ITFG2: variants seen among roughly 807,000 people sequenced by gnomAD.
The protein encoded by ITFG2 is integrin alpha FG-GAP repeat containing 2, also known as KICSTOR complex protein ITFG2.
Under a neutral mutation model 54.4 loss-of-function variants are expected in ITFG2, and 36 were observed. That is an observed-to-expected ratio of 0.66 (90% CI 0.51 to 0.87). The LOEUF is 0.87. Among genes scored for constraint, ITFG2 ranks in the 40% least tolerant of loss-of-function variants. ITFG2 has a pLI of 0.00. For synonymous variants in ITFG2, 211 were observed against 225.4 expected, an observed-to-expected ratio of 0.94 and a Z score of 0.57; for missense variants, 524 against 576.7, an observed-to-expected ratio of 0.91 and a Z score of 0.94.
chr12:2,826,270 T>G (rs564354126), downstream of ITFG2: 1 of 151,674 alleles, frequency 6.6e-6, no homozygotes. Flanking sequence ...AGAAAGCCAC[T>G]GATTCCAGGA....
rs1272314672 is a variant in ITFG2, at chr12:2,817,819, A to G, written c.193-90A>G. On this transcript the variant is annotated intron_variant, in intron 2 of 11. Coordinates refer to ENST00000228799, the MANE Select transcript of ITFG2 (RefSeq NM_018463.4). ...AAGTCTTCAGTGAGCGATGGTGATTAGAAAACCTGCCCGCTCCTCCTGCTT... is the reference window on the plus strand; with the variant it reads ...AAGTCTTCAGTGAGCGATGGTGATTGGAAAACCTGCCCGCTCCTCCTGCTT... 4 of 1,278,806 alleles carry G rather than the reference A, an allele frequency of 3.1e-6. No individual in the cohort carries two copies. In the African/African-American group the frequency reaches 6.0e-5, roughly 19 times the overall value. 79.2% of individuals were successfully genotyped at this position (1,278,806 alleles called of 1,614,324 possible).
downstream of ITFG2, chr12:2,830,933 T>C: frequency 5.2e-6 from 8 of 1,529,926 alleles, no homozygotes; most frequent in Non-Finnish European, 6.2e-6. Context: ...TTACCCCACT[T>C]AGATACCCCA....
chr12:2,846,129 G>A (rs1472778500), intron 2 of ITFG2, among the ~76,000 whole-genome samples: 4 of 152,148 alleles, frequency 2.6e-5, no homozygotes, highest in East Asian at 1.9e-4. Context: ...GTCTCTGGCC[G>A]ATGAACAAGA....
rs889900629 is a variant in ITFG2 at position 2,814,716 on chromosome 12, C to A, written c.96+1860C>A. On this transcript the variant is annotated intron_variant, in intron 1 of 11. Transcript: ENST00000228799. Reference sequence around the variant, plus strand: ...GTGTGGTGGTGCATGCTTGTAGTCCCGGCTACTCAGGAGGCTGAGGCGAGA... The same window carrying A: ...GTGTGGTGGTGCATGCTTGTAGTCCAGGCTACTCAGGAGGCTGAGGCGAGA... Among the ~76,000 whole-genome samples, 15 of 151,048 alleles carry A rather than the reference C, an allele frequency of 9.9e-5. No homozygotes were observed. In the South Asian group the frequency reaches 1.5e-3, roughly 15 times the overall value.
intron 2 of ITFG2, among the ~76,000 whole-genome samples, chr12:2,848,727 G>A (rs1412545046): frequency 6.6e-6 from 1 of 152,118 alleles, no homozygotes; most frequent in Admixed American, 6.6e-5. Context: ...TCCAGGGAGG[G>A]GGTGGCATTT....
intron 1 of ITFG2, among the ~76,000 whole-genome samples, chr12:2,816,641 T>C (rs1038430846): frequency 3.9e-4 from 58 of 147,072 alleles, no homozygotes; most frequent in African/African-American, 1.3e-3. Flanking sequence ...TTTTTCTTTT[T>C]TTTTTTTTTT....
chr12:2,828,035 C>G (rs199756500), downstream of ITFG2: 5 of 1,613,622 alleles, frequency 3.1e-6, no homozygotes, highest in African/African-American at 2.7e-5. Context: ...CTTTTAGGAC[C>G]CTTTTCTCTA....
upstream of ITFG2, among the ~76,000 whole-genome samples, chr12:2,832,448 C>G (rs2098008181): frequency 6.6e-6 from 1 of 151,998 alleles, no homozygotes; most frequent in African/African-American, 2.4e-5. Context: ...ACTCCTCTTC[C>G]TCACTCTTCT....
At chr12:2,831,507 C>T (rs1279059149), downstream of ITFG2, among the ~76,000 whole-genome samples, 1 of 151,914 alleles carries the variant, frequency 6.6e-6, no homozygotes, top group Non-Finnish European at 1.5e-5. Context: ...TCACCTGAAC[C>T]TAGAAGGCAG....
chr12:2,817,627 A>T (rs914523372), intron 2 of ITFG2: 5 of 519,236 alleles, frequency 9.6e-6, no homozygotes, highest in African/African-American at 9.5e-5. Flanking sequence ...TAATTTGAGT[A>T]AGTCTAGAAA....
At chr12:2,852,270 A>G (rs1311601901) in intron 2 of ITFG2, among the ~76,000 whole-genome samples, 1 of 152,202 alleles carries the variant, frequency 6.6e-6, no homozygotes, top group Non-Finnish European at 1.5e-5. Flanking sequence ...TGGAGATACC[A>G]TACTAATAAT....
At chr12:2,858,930 G>A (rs2098100231) in intron 3 of ITFG2, 1 of 1,613,766 alleles carries the variant, frequency 6.2e-7, no homozygotes, top group South Asian at 1.1e-5. Flanking sequence ...AAGGGGGGGA[G>A]CACTTTGCAA....
At chr12:2,847,483 C>G (rs551835348) in intron 2 of ITFG2, among the ~76,000 whole-genome samples, 2 of 152,036 alleles carry the variant, frequency 1.3e-5, no homozygotes, top group East Asian at 1.9e-4. Flanking sequence ...CTGGCCAACA[C>G]GGTGAAACCC....
chr12:2,822,066 T>C (rs939121529), intron 9 of ITFG2, among the ~76,000 whole-genome samples: 1 of 152,096 alleles, frequency 6.6e-6, no homozygotes, highest in East Asian at 1.9e-4. Context: ...AAGCTGGGAC[T>C]ACAGGCGTGT....
intron 3 of ITFG2, chr12:2,858,683 G>A: frequency 6.2e-7 from 1 of 1,614,160 alleles, no homozygotes; most frequent in Non-Finnish European, 8.5e-7. Flanking sequence ...TGTTGTCAGG[G>A]CCCAGTGGGT....
chr12:2,847,632 A>C (rs1370208463), intron 2 of ITFG2, among the ~76,000 whole-genome samples: 3 of 146,362 alleles, frequency 2.0e-5, no homozygotes, highest in Non-Finnish European at 4.5e-5. Context: ...ACGCCACTGC[A>C]CTCCAACCTG....
chr12:2,858,882 T>G (rs2098099725), intron 3 of ITFG2: 1 of 1,613,736 alleles, frequency 6.2e-7, no homozygotes, highest in Middle Eastern at 1.6e-4. Context: ...GGAGATGAGG[T>G]CTAAGGGTTC....
intron 2 of ITFG2, among the ~76,000 whole-genome samples, chr12:2,841,873 C>T (rs561896783): frequency 1.3e-5 from 2 of 151,498 alleles, no homozygotes; most frequent in African/African-American, 4.8e-5. Flanking sequence ...CGCCCGCCAC[C>T]ACGCCCGGCT....
chr12:2,828,019 C>G, downstream of ITFG2: 1 of 1,614,134 alleles, frequency 6.2e-7, no homozygotes, highest in East Asian at 2.2e-5. Context: ...AGGTCCCCAG[C>G]TGAGGCTTTT....
Sources: gnomAD v4.1 joint callset for allele counts (sites outside exome capture counted in the v4.1 genomes callset) on GRCh38, gnomAD v4.1.1 for gene constraint, MANE v1.5 for transcripts, NCBI Gene and HGNC (gene_info 2026-07-23, HGNC 2026-07-21) for gene names.